Variants in TRMT9B observed in about 807,000 individuals in gnomAD.
TRMT9B encodes the protein probable tRNA methyltransferase 9B.
TRMT9B carries 16 observed loss-of-function variants against 11.5 expected under a neutral mutation model. The ratio of observed to expected loss-of-function variants is 1.39; its 90% CI spans 0.94 to 2.11. TRMT9B has a LOEUF of 2.11. Ranked by LOEUF, TRMT9B falls within the 30% of genes most tolerant of loss-of-function variation. The probability of loss-of-function intolerance (pLI) is 0.00; values close to 1 mark genes in which losing one functional copy is unlikely to be tolerated. For missense variants in TRMT9B, 941 were observed against 553.8 expected (o/e 1.70, Z -7.02); for synonymous variants, 274 against 192.4 (o/e 1.42, Z -3.51).
At chr8:13,000,144 T>G (rs758467132) in intron 2 of TRMT9B, among the ~76,000 whole-genome samples, 1 of 152,142 alleles carries the variant, frequency 6.6e-6, no homozygotes, top group South Asian at 2.1e-4. Context: ...CAAGGAACAT[T>G]TCATTGCAGT....
At chr8:12,950,894 C>G (rs1800554757) in intron 1 of TRMT9B, among the ~76,000 whole-genome samples, 1 of 152,146 alleles carries the variant, frequency 6.6e-6, no homozygotes, top group South Asian at 2.1e-4. Flanking sequence ...GCCCCCTACG[C>G]TGGGGATCAG....
intron 1 of TRMT9B, among the ~76,000 whole-genome samples, chr8:12,990,275 C>G (rs1023003424): frequency 6.6e-6 from 1 of 152,158 alleles, no homozygotes; most frequent in Non-Finnish European, 1.5e-5. Context: ...CTCTCGAGAT[C>G]TCATTGTATA....
At chr8:12,995,243 G>A (rs879856993) in intron 2 of TRMT9B, among the ~76,000 whole-genome samples, 4 of 152,206 alleles carry the variant, frequency 2.6e-5, no homozygotes, top group African/African-American at 4.8e-5. Flanking sequence ...AAAGCTTCAA[G>A]CAAGTTTCAG....
At chr8:13,005,850 A>G (rs1202728427) in intron 2 of TRMT9B, among the ~76,000 whole-genome samples, 3 of 152,208 alleles carry the variant, frequency 2.0e-5, no homozygotes, top group Non-Finnish European at 4.4e-5. Flanking sequence ...TTTGAAATCT[A>G]TTTAGCATCA....
chr8:12,967,441 G>C (rs1370538611), intron 1 of TRMT9B, among the ~76,000 whole-genome samples: 1 of 152,160 alleles, frequency 6.6e-6, no homozygotes, highest in South Asian at 2.1e-4. Context: ...GAAATGGCAG[G>C]GATGGTGACA....
At chr8:13,018,396 C>CAA (rs33990997) in intron 4 of TRMT9B, among the ~76,000 whole-genome samples, 91,458 of 133,474 alleles carry the variant, frequency 0.69, 31,950 homozygotes, top group Middle Eastern at 0.78. Context: ...GACCCTGTCT[C>CAA]AAAAAAAAAA....
At chr8:12,957,389 T>C (rs1801453488) in intron 1 of TRMT9B, among the ~76,000 whole-genome samples, 1 of 152,124 alleles carries the variant, frequency 6.6e-6, no homozygotes, top group African/African-American at 2.4e-5. Flanking sequence ...TAATCAGTGT[T>C]CATGAAGTAA....
chr8:12,960,148 C>G (rs1050298478), intron 1 of TRMT9B: 1 of 152,174 alleles, frequency 6.6e-6, no homozygotes, highest in African/African-American at 2.4e-5. Context: ...TAAGGAGTTG[C>G]TGCATTTACT....
Position 12,952,633 on chromosome 8 carries a change from T to C in TRMT9B, c.-200+6667T>C, listed in dbSNP as rs1166026477. ...ATTAGTAAGAGGCAAAGAACTAAGA[T>C]AACTTGAAGCCAGAAAGTTTTCAAA... On this transcript the variant is annotated intron_variant, in intron 1 of 4. Coordinates refer to ENST00000524591, the MANE Select transcript of TRMT9B (RefSeq NM_020844.3). The C allele has an allele frequency of 7.2e-6, 7 of 968,548 alleles. No individual in the cohort carries two copies. The African/African-American group carries it at 1.2e-4, about 17-fold the overall frequency. 60.0% of individuals were successfully genotyped at this position (968,548 alleles called of 1,614,324 possible). A position where few individuals can be genotyped will look rare whatever the true frequency, so the allele number is the denominator to read the frequency against.
chr8:12,959,427 A>G (rs970652871), intron 1 of TRMT9B, among the ~76,000 whole-genome samples: 1 of 151,090 alleles, frequency 6.6e-6, no homozygotes, highest in Admixed American at 6.6e-5. Flanking sequence ...CTTTATGTCC[A>G]TGCAAATATG....
intron 2 of TRMT9B, 59 bp downstream of exon 2, chr8:12,991,090 C>T (rs1251337391): frequency 1.2e-6 from 1 of 822,374 alleles, no homozygotes; most frequent in South Asian, 2.4e-5. Context: ...TAGCAATGTG[C>T]ATATTTAGTG....
At chr8:12,996,326 C>T (rs924158505) in intron 2 of TRMT9B, among the ~76,000 whole-genome samples, 2 of 152,282 alleles carry the variant, frequency 1.3e-5, no homozygotes, top group South Asian at 4.1e-4. Context: ...ACCTGGTGCC[C>T]TAACTGAAAC....
chr8:13,018,113 A>AC (rs1192583683), intron 4 of TRMT9B, among the ~76,000 whole-genome samples: 3 of 151,064 alleles, frequency 2.0e-5, no homozygotes, highest in Non-Finnish European at 4.4e-5. Flanking sequence ...AAAAAAAAAA[A>AC]AAACTTGGCC....
intron 1 of TRMT9B, among the ~76,000 whole-genome samples, chr8:12,950,206 C>G (rs554717912): frequency 5.3e-5 from 8 of 152,158 alleles, no homozygotes; most frequent in East Asian, 1.9e-4. Context: ...TTCCAGGATG[C>G]CTTCCCTGAC....
rs1814667668 is a variant in TRMT9B, at chr8:13,026,215, A to C, written c.*4171A>C. 6.0e-6 allele frequency: 1 copy of C among 167,138 alleles called. No homozygotes were observed. Among genetic ancestry groups the C allele is most frequent in the Non-Finnish European group, 1.5e-5 (1 of 68,134 alleles). The allele number at this position is 167,138 out of a possible 1,614,324, so 10.4% of individuals were successfully genotyped here. A position where few individuals can be genotyped will look rare whatever the true frequency, so the allele number is the denominator to read the frequency against. ...TCAGCATCTCTTTCCTATTACATAG[A>C]AAATCTGAAATGAGAATAGCTGTGA... On this transcript the variant is annotated 3_prime_UTR_variant, in exon 5 of 5. Transcript: ENST00000524591.
intron 1 of TRMT9B, among the ~76,000 whole-genome samples, chr8:12,983,741 C>G (rs146086271): frequency 2.0e-5 from 3 of 152,220 alleles, no homozygotes; most frequent in East Asian, 1.9e-4. Flanking sequence ...TTTTTGGTCC[C>G]TCAACTGCTT....
chr8:12,975,435 C>T (rs1804295661), intron 1 of TRMT9B, among the ~76,000 whole-genome samples: 1 of 151,746 alleles, frequency 6.6e-6, no homozygotes, highest in African/African-American at 2.4e-5. Context: ...AAAAAAAAAG[C>T]TTTTAAATTG....
At chr8:12,985,093 C>G (rs1278964823) in intron 1 of TRMT9B, among the ~76,000 whole-genome samples, 1 of 152,090 alleles carries the variant, frequency 6.6e-6, no homozygotes, top group African/African-American at 2.4e-5. Context: ...TAGACACATA[C>G]TCCTTGACAT....
chr8:12,988,464 T>A lies in TRMT9B; in HGVS notation c.-199-2370T>A, dbSNP rs1190977053. Among the ~76,000 whole-genome samples, 3 of 152,172 alleles carry A rather than the reference T, an allele frequency of 2.0e-5. No individual in the cohort carries two copies. In the East Asian group the frequency reaches 5.8e-4, roughly 29 times the overall value. ...TAATAAAGACATACCCGAGACTGTG[T>A]AATTTATAAAGGAAAGAGGTTTAAT... On this transcript the variant is annotated intron_variant, in intron 1 of 4. Transcript: ENST00000524591.
Sources: gnomAD v4.1 joint callset for allele counts (sites outside exome capture counted in the v4.1 genomes callset) on GRCh38, gnomAD v4.1.1 for gene constraint, MANE v1.5 for transcripts, NCBI Gene and HGNC (gene_info 2026-07-23, HGNC 2026-07-21) for gene names.